FUT1: variants seen among roughly 807,000 people sequenced by gnomAD.
The protein encoded by FUT1 is fucosyltransferase 1 (H blood group).
For synonymous variants in FUT1, 215 were observed against 208.7 expected (o/e 1.03, Z -0.26); for missense variants, 476 against 492.7 (o/e 0.97, Z 0.32).
Position 48,750,528 on chromosome 19 carries a change from G to A in FUT1, c.754C>T (p.Arg252Trp), listed in dbSNP as rs1317291502. The change falls in exon 2 of 2, where the codon CGG becomes TGG. Residue 252 changes from arginine (R) to tryptophan (W), a missense_variant. Arg to Trp is a moderately radical substitution (Grantham distance 101). Coordinates refer to ENST00000645652, the MANE Select transcript of FUT1 (RefSeq NM_001384359.1). Reference protein sequence around the residue: ...LRQAMDWFRARHEAPVFVVTS... With the variant: ...LRQAMDWFRAWHEAPVFVVTS... ...ACCACGAAAACGGGGGCTTCGTGCC[G>A]TGCCCGGAACCAGTCCATGGCCTGC... 6.2e-7 allele frequency: 1 copy of A among 1,613,476 alleles called. No homozygotes were observed. Among genetic ancestry groups the A allele is most frequent in the Non-Finnish European group, 8.5e-7 (1 of 1,180,026 alleles).
chr19:48,750,964 G>A lies in FUT1; in HGVS notation c.318C>T (p.Asn106=). The change falls in exon 2 of 2, where the codon AAC becomes AAT. Residue 106 remains asparagine (N), a synonymous_variant. Transcript: ENST00000645652. ...YATLLALAQL[N]GRRAFILPAM... ...CAGGCAGGATAAAGGCCCGGCGGCC[G>A]TTGAGCTGGGCCAGAGCCAGCAGCG... The A allele has an allele frequency of 2.5e-6, 4 of 1,602,706 alleles. No homozygotes were observed. The highest frequency in any genetic ancestry group is 3.4e-6 in the Non-Finnish European group (4 of 1,173,196).
rs1372565913 is a variant in FUT1, at chr19:48,750,787, A to C, written c.495T>G (p.Ser165=). The change falls in exon 2 of 2, where the codon TCT becomes TCG. Residue 165 remains serine, a synonymous_variant. Coordinates refer to ENST00000645652, the MANE Select transcript of FUT1 (RefSeq NM_001384359.1). The part of the protein sequence containing the change: ...ADLRDPFLKL[S]GFPCSWTFFH... ...AGAAAGTCCAAGAGCAGGGGAAGCCAGAGAGCTTCAGGAAAGGATCTCTCA... is the reference window on the plus strand; with the variant it reads ...AGAAAGTCCAAGAGCAGGGGAAGCCCGAGAGCTTCAGGAAAGGATCTCTCA... The C allele has an allele frequency of 6.2e-7, 1 of 1,613,868 alleles. No individual in the cohort carries two copies. Among genetic ancestry groups the C allele is most frequent in the East Asian group, 2.2e-5 (1 of 44,884 alleles).
Position 48,748,442 on chromosome 19 carries a change from C to T in FUT1, c.*1742G>A, listed in dbSNP as rs13100. 29 of 152,494 alleles carry T rather than the reference C, an allele frequency of 1.9e-4. No individual in the cohort carries two copies. Among genetic ancestry groups the T allele is most frequent in the African/African-American group, 7.0e-4 (29 of 41,548 alleles). The allele number at this position is 152,494 out of a possible 1,614,324, so 9.4% of individuals were successfully genotyped here. A position where few individuals can be genotyped will look rare whatever the true frequency, so the allele number is the denominator to read the frequency against. ...TTTATACCTGCACACTTCCAGAAAA[C>T]AGATCCCAGACCCTCAGCAGCCCAC... On this transcript the variant is annotated 3_prime_UTR_variant, in exon 2 of 2. Coordinates refer to ENST00000645652, the MANE Select transcript of FUT1 (RefSeq NM_001384359.1).
At position 48,751,144 on chromosome 19, in the gene FUT1, G is replaced by C; in HGVS notation, c.138C>G (p.Arg46=). 1 of 1,614,100 alleles carries C rather than the reference G, an allele frequency of 6.2e-7. No homozygotes were observed. Among genetic ancestry groups the C allele is most frequent in the Non-Finnish European group, 8.5e-7 (1 of 1,179,990 alleles). Residue 46 remains arginine, a synonymous_variant, in exon 2 of 2, where the codon CGC becomes CGG. Coordinates refer to ENST00000645652, the MANE Select transcript of FUT1 (RefSeq NM_001384359.1). ...LGLSILCPDR[R]LVTPPVAIFC... ...AGATGGCCACTGGGGGTGTCACCAG[G>C]CGGCGGTCTGGACACAGGATCGACA...
Position 48,749,918 on chromosome 19 carries a change from T to C in FUT1, c.*266A>G. On this transcript the variant is annotated 3_prime_UTR_variant, in exon 2 of 2. Transcript: ENST00000645652. ...GGCAGCCATCTGGAAGTACTGTAGA[T>C]ATGGGCTGGGAAGAGCAGGTGGGCA... 2 of 514,056 alleles carry C rather than the reference T, an allele frequency of 3.9e-6. No homozygotes were observed. Among genetic ancestry groups the C allele is most frequent in the Non-Finnish European group, 3.5e-6 (1 of 284,096 alleles). 31.8% of individuals were successfully genotyped at this position (514,056 alleles called of 1,614,324 possible).
Position 48,750,285 on chromosome 19 carries a change from A to C in FUT1, c.997T>G (p.Ser333Ala). 1 of 1,614,170 alleles carries C rather than the reference A, an allele frequency of 6.2e-7. No homozygotes were observed. The highest frequency in any genetic ancestry group is 8.5e-7 in the Non-Finnish European group (1 of 1,180,026). ...VYLANFTLPD[S>A]EFLKIFKPEA... Reference sequence around the variant, plus strand: ...GGCTTAAAGATCTTCAGGAACTCAGAGTCTGGCAGGGTGAAGTTGGCCAGG... The same window carrying C: ...GGCTTAAAGATCTTCAGGAACTCAGCGTCTGGCAGGGTGAAGTTGGCCAGG... The change falls in exon 2 of 2, where the codon TCT (serine) becomes GCT (alanine). Residue 333 changes from serine to alanine, a missense_variant. Transcript: ENST00000645652.
In FUT1 at chr19:48,750,205, G is replaced by C. The variant is rs780940708; in HGVS notation, c.1077C>G (p.Leu359=). The change falls in exon 2 of 2, where the codon CTC becomes CTG. Residue 359 remains leucine (L), a synonymous_variant. Coordinates refer to ENST00000645652, the MANE Select transcript of FUT1 (RefSeq NM_001384359.1). ...GCTCTCAAGGCTTAGCCAATGTCCAGAGTGGAGACAAGTCTGCATTAATGC... is the reference window on the plus strand; with the variant it reads ...GCTCTCAAGGCTTAGCCAATGTCCACAGTGGAGACAAGTCTGCATTAATGC... The part of the protein sequence containing the change: ...WVGINADLSP[L]WTLAKP 6 of 1,610,690 alleles carry C rather than the reference G, an allele frequency of 3.7e-6. 1 individual carries two copies. In the South Asian group the frequency reaches 5.5e-5, roughly 15 times the overall value.
chr19:48,751,643 A>G (rs960970920), intron 1 of FUT1, among the ~76,000 whole-genome samples: 2 of 151,686 alleles, frequency 1.3e-5, no homozygotes, highest in African/African-American at 4.8e-5. Context: ...CACTCTTACA[A>G]AAAAATTTTA....
At chr19:48,751,490 G>A (rs956687155) in intron 1 of FUT1, among the ~76,000 whole-genome samples, 3 of 152,122 alleles carry the variant, frequency 2.0e-5, no homozygotes, top group Non-Finnish European at 4.4e-5. Flanking sequence ...TTCGGGGCAT[G>A]GGGACTGGAA....
chr19:48,751,410 A>T (rs1301238524), intron 1 of FUT1, 127 bp from the exon 2 acceptor site: 1 of 988,866 alleles, frequency 1.0e-6, no homozygotes, highest in Non-Finnish European at 1.6e-6. Context: ...AGGAAGTTAA[A>T]GGTTTAGACT....
chr19:48,753,793 G>C (rs2034042923), upstream of FUT1: 1 of 154,500 alleles, frequency 6.5e-6, no homozygotes, highest in African/African-American at 2.4e-5. Context: ...ATGGGACAGG[G>C]GGCCCTTCCC....
upstream of FUT1, chr19:48,752,847 G>A (rs979324226): frequency 4.1e-6 from 4 of 985,416 alleles, no homozygotes; most frequent in South Asian, 1.9e-4. This position sits in a 1 kb window ranked among gnomAD's most constrained non-coding sequence, Gnocchi z 4.3. Flanking sequence ...CTGCCCCTCC[G>A]CCCCGTCATT....
chr19:48,752,510 AGATCCAC>A lies in FUT1; in HGVS notation c.-30_-24del. ...CTTACCCGAGCTGCTTGCAGGTGGC[AGATCCAC>A]AGTCCGCTTTTCGTGGCCGGAGCGC... On this transcript the variant is annotated 5_prime_UTR_variant, in exon 1 of 2. Transcript: ENST00000645652. This position sits in a 1 kb window ranked among gnomAD's most constrained non-coding sequence, Gnocchi z 4.3. The A allele has an allele frequency of 1.0e-6, 1 of 985,490 alleles. No individual in the cohort carries two copies. The highest frequency in any genetic ancestry group is 1.2e-6 in the Non-Finnish European group (1 of 829,948). 61.0% of individuals were successfully genotyped at this position (985,490 alleles called of 1,614,324 possible).
chr19:48,753,956 G>A (rs978983889), upstream of FUT1, among the ~76,000 whole-genome samples: 4 of 152,258 alleles, frequency 2.6e-5, no homozygotes, highest in East Asian at 1.9e-4. Flanking sequence ...AGGCTGAGGC[G>A]GGCGGATCAC....
At chr19:48,751,354 G>A (rs1190379528) in intron 1 of FUT1, 71 bp from the exon 2 acceptor site, 8 of 1,534,176 alleles carry the variant, frequency 5.2e-6, no homozygotes, top group Non-Finnish European at 7.1e-6. Flanking sequence ...GGGATGTGGG[G>A]TAAGGGAGGC....
chr19:48,750,863 G>T lies in FUT1; in HGVS notation c.419C>A (p.Pro140Gln). The part of the protein sequence containing the change: ...VLAPEVDSRT[P>Q]WRELQLHDWM... Reference sequence around the variant, plus strand: ...GTCGTGAAGCTGCAGCTCCCGCCACGGCGTGCGGCTGTCCACTTCTGGGGC... The same window carrying T: ...GTCGTGAAGCTGCAGCTCCCGCCACTGCGTGCGGCTGTCCACTTCTGGGGC... Residue 140 changes from proline to glutamine, a missense_variant, in exon 2 of 2, where the codon CCG becomes CAG. Pro to Gln is a moderately conservative substitution (Grantham distance 76, BLOSUM62 -1). Transcript: ENST00000645652. 2 of 1,613,858 alleles carry T rather than the reference G, an allele frequency of 1.2e-6. No homozygotes were observed. The highest frequency in any genetic ancestry group is 4.5e-5 in the East Asian group (2 of 44,886).
chr19:48,750,786 C>T lies in FUT1; in HGVS notation c.496G>A (p.Gly166Ser). The T allele has an allele frequency of 5.0e-6, 8 of 1,613,964 alleles. No individual in the cohort carries two copies. The highest frequency in any genetic ancestry group is 6.8e-6 in the Non-Finnish European group (8 of 1,179,992). Residue 166 changes from glycine (G) to serine (S), a missense_variant, in exon 2 of 2, where the codon GGC (glycine) becomes AGC (serine). Coordinates refer to ENST00000645652, the MANE Select transcript of FUT1 (RefSeq NM_001384359.1). ...AAGAAAGTCCAAGAGCAGGGGAAGC[C>T]AGAGAGCTTCAGGAAAGGATCTCTC... ...DLRDPFLKLS[G>S]FPCSWTFFHH...
In FUT1 at chr19:48,749,144, AT is replaced by A. The variant is rs1568489875; in HGVS notation, c.*1039del. The A allele has an allele frequency of 6.6e-6, 1 of 151,838 alleles. No individual in the cohort carries two copies. The highest frequency in any genetic ancestry group is 6.6e-5 in the Admixed American group (1 of 15,200). 9.4% of individuals were successfully genotyped at this position (151,838 alleles called of 1,614,324 possible). A position where few individuals can be genotyped will look rare whatever the true frequency, so the allele number is the denominator to read the frequency against. On this transcript the variant is annotated 3_prime_UTR_variant, in exon 2 of 2. Transcript: ENST00000645652. ...CGTCTCTACTAAAAATACAAAAAAA[AT>A]TAGCCGGGCGTGGTGGCGGGCGCCT...
Position 48,752,012 on chromosome 19 carries a change from C to G in FUT1, c.-3+478G>C, listed in dbSNP as rs1475331855. Among the ~76,000 whole-genome samples the G allele has an allele frequency of 6.6e-6, 1 of 151,160 alleles. No individual in the cohort carries two copies. Among genetic ancestry groups the G allele is most frequent in the African/African-American group, 2.4e-5 (1 of 41,134 alleles). On this transcript the variant is annotated intron_variant, in intron 1 of 1. Transcript: ENST00000645652. The surrounding 1 kb of genome is among the most constrained non-coding windows in gnomAD (Gnocchi z 4.3). ...GCACATGTCTGTGGTCTCAGCTACA[C>G]CGGATGCTAAGGCGGGAGGATCCCC...
Sources: allele counts gnomAD v4.1 joint callset (sites outside exome capture counted in the v4.1 genomes callset), GRCh38; gene constraint gnomAD v4.1.1; non-coding constraint Gnocchi (gnomAD v3.1); transcripts MANE v1.5; gene names NCBI Gene and HGNC (gene_info 2026-07-23, HGNC 2026-07-21).